SYBU: variants seen among roughly 807,000 people sequenced by gnomAD.
SYBU encodes syntabulin, also known as GOLSYN A protein.
In SYBU, 21 loss-of-function variants were observed where a neutral mutation model predicts 35.9. That is an observed-to-expected ratio of 0.58 (90% CI 0.41 to 0.84). SYBU has a LOEUF of 0.84. Ranked by LOEUF, SYBU falls within the 40% of genes least tolerant of loss-of-function variation. The pLI is 0.00. For synonymous variants in SYBU, 319 were observed against 324.3 expected, an observed-to-expected ratio of 0.98 and a Z score of 0.18; for missense variants, 768 against 848.2, an observed-to-expected ratio of 0.91 and a Z score of 1.17.
chr8:109,667,508 CA>C (rs34197112), intron 1 of SYBU, among the ~76,000 whole-genome samples: 6,403 of 143,870 alleles, frequency 0.045, 439 homozygotes, highest in African/African-American at 0.15. Context: ...AGTAGTGCCA[CA>C]AAAAAAAAAA....
At chr8:109,684,211 T>A (rs545118508), upstream of SYBU, among the ~76,000 whole-genome samples, 1 of 152,374 alleles carries the variant, frequency 6.6e-6, no homozygotes, top group Admixed American at 6.5e-5. Context: ...TAGTTAACTT[T>A]CATTTTTAAG....
chr8:109,625,506 T>C (rs1045575677), intron 2 of SYBU, among the ~76,000 whole-genome samples: 2 of 152,146 alleles, frequency 1.3e-5, no homozygotes, highest in African/African-American at 4.8e-5. Flanking sequence ...CACTGCAGAC[T>C]CCAACTCCTG....
intron 1 of SYBU, among the ~76,000 whole-genome samples, chr8:109,651,448 C>CTTTTTTT (rs535652540): frequency 4.7e-5 from 3 of 64,500 alleles, no homozygotes; most frequent in Non-Finnish European, 9.2e-5. Context: ...GAAATTGAGA[C>CTTTTTTT]TTTTTTTTTT....
intron 3 of SYBU, among the ~76,000 whole-genome samples, chr8:109,603,093 A>T (rs1479967683): frequency 1.3e-5 from 2 of 152,232 alleles, no homozygotes; most frequent in Admixed American, 6.5e-5. Flanking sequence ...TGTCCGCCCC[A>T]GGAGGGGACA....
rs1337847361 is a variant in SYBU, at chr8:109,575,522, A to G, written c.1376T>C (p.Val459Ala). 5 of 1,614,028 alleles carry G rather than the reference A, an allele frequency of 3.1e-6. No individual in the cohort carries two copies. The highest frequency in any genetic ancestry group is 4.2e-6 in the Non-Finnish European group (5 of 1,180,022). The stretch of plus-strand genomic sequence containing the variant: ...GACGTTAGCCCCAGGGGTGGAATGC[A>G]CAAGCTCCAGGTCACCAGATTCTGT... Reference protein sequence around the residue: ...TTTESGDLELVHSTPGANVLE... With the variant: ...TTTESGDLELAHSTPGANVLE... The change falls in exon 7 of 7, where the codon GTG becomes GCG. Residue 459 changes from valine to alanine, a missense_variant. Transcript: ENST00000276646.
chr8:109,638,144 T>C (rs575125553), intron 2 of SYBU, among the ~76,000 whole-genome samples: 3 of 152,360 alleles, frequency 2.0e-5, no homozygotes, highest in South Asian at 4.1e-4. Flanking sequence ...CTGCCATGTT[T>C]ACAAGGCGCC....
intron 1 of SYBU, among the ~76,000 whole-genome samples, chr8:109,652,302 C>T (rs1278388682): frequency 6.6e-6 from 1 of 152,040 alleles, no homozygotes; most frequent in South Asian, 2.1e-4. Flanking sequence ...TTCAGAGTTC[C>T]TTTCTCTTTA....
intron 2 of SYBU, among the ~76,000 whole-genome samples, chr8:109,624,138 C>T (rs1311463308): frequency 1.3e-5 from 2 of 151,982 alleles, no homozygotes; most frequent in Non-Finnish European, 2.9e-5. Flanking sequence ...ATAATAAATG[C>T]AAGTGACTGA....
chr8:109,576,487 C>A (rs1822333110), intron 6 of SYBU, among the ~76,000 whole-genome samples: 1 of 152,182 alleles, frequency 6.6e-6, no homozygotes, highest in African/African-American at 2.4e-5. Context: ...TTCCAAATGT[C>A]TATAGTTTGT....
At chr8:109,653,539 A>T (rs1816235577) in intron 1 of SYBU, among the ~76,000 whole-genome samples, 1 of 152,146 alleles carries the variant, frequency 6.6e-6, no homozygotes, top group Non-Finnish European at 1.5e-5. Context: ...ATGGTGGGAA[A>T]ACCCCACAAC....
chr8:109,579,073 A>C (rs1013174095), intron 5 of SYBU, among the ~76,000 whole-genome samples: 1 of 152,140 alleles, frequency 6.6e-6, no homozygotes, highest in African/African-American at 2.4e-5. Flanking sequence ...GATGCCCAGC[A>C]GGAAGAAGGC....
chr8:109,622,267 T>G (rs1179583507), intron 2 of SYBU, among the ~76,000 whole-genome samples: 1 of 152,072 alleles, frequency 6.6e-6, no homozygotes, highest in Non-Finnish European at 1.5e-5. Context: ...AGTCTCGCTC[T>G]GTCGCCTAGG....
intron 4 of SYBU, among the ~76,000 whole-genome samples, chr8:109,582,985 A>G (rs1219804902): frequency 6.6e-6 from 1 of 152,158 alleles, no homozygotes; most frequent in African/African-American, 2.4e-5. Flanking sequence ...CAGAACTGTG[A>G]GTAAATACAT....
At chr8:109,590,365 T>C (rs1824079565) in intron 3 of SYBU, among the ~76,000 whole-genome samples, 1 of 152,148 alleles carries the variant, frequency 6.6e-6, no homozygotes, top group African/African-American at 2.4e-5. Flanking sequence ...AGAAAGGGAA[T>C]ATTTGGTTAA....
intron 3 of SYBU, among the ~76,000 whole-genome samples, chr8:109,607,019 T>C (rs985345889): frequency 3.9e-5 from 6 of 152,240 alleles, no homozygotes; most frequent in Non-Finnish European, 8.8e-5. Context: ...ACAATCTAAA[T>C]ATCTTAATTT....
intron 1 of SYBU, among the ~76,000 whole-genome samples, chr8:109,671,995 A>C (rs1158350261): frequency 6.6e-6 from 1 of 152,074 alleles, no homozygotes; most frequent in East Asian, 1.9e-4. Context: ...TCTGCCTCCC[A>C]GTTTCAAGCG....
At chr8:109,668,165 G>GGAGAGAGAGAAAGGGGAGA (rs1338581968) in intron 1 of SYBU, among the ~76,000 whole-genome samples, 2,877 of 88,762 alleles carry the variant, frequency 0.032, 168 homozygotes, top group South Asian at 0.038. Context: ...GGGGAGAGGG[G>GGAGAGAGAGAAAGGGGAGA]GAGAGAGAGA....
chr8:109,618,650 A>T (rs774091106), intron 3 of SYBU, among the ~76,000 whole-genome samples, 192 bp downstream of exon 3: 14 of 152,200 alleles, frequency 9.2e-5, no homozygotes, highest in Non-Finnish European at 1.6e-4. Context: ...ATAGGTCACT[A>T]TAGTTACTCA....
intron 1 of SYBU, among the ~76,000 whole-genome samples, chr8:109,655,413 G>A (rs1354069354): frequency 2.0e-5 from 3 of 152,214 alleles, no homozygotes; most frequent in Non-Finnish European, 2.9e-5. Flanking sequence ...TTTTGGGCTT[G>A]TAACATGAGT....
Sources: gnomAD v4.1 joint callset for allele counts (sites outside exome capture counted in the v4.1 genomes callset) on GRCh38, gnomAD v4.1.1 for gene constraint, MANE v1.5 for transcripts, NCBI Gene and HGNC (gene_info 2026-07-23, HGNC 2026-07-21) for gene names.